ZNF804B: variants seen among roughly 807,000 people sequenced by gnomAD.
ZNF804B encodes the protein zinc finger 804B.
ZNF804B carries 80 observed loss-of-function variants against 101.4 expected under a neutral mutation model. The observed-to-expected ratio is 0.79, with a 90% confidence interval of 0.66 to 0.95. The LOEUF (loss-of-function observed/expected upper bound fraction) is 0.95, where lower values mean the gene tolerates loss of function less well. ZNF804B is among the 40% of genes least tolerant of loss of function. ZNF804B has a pLI of 0.00. For synonymous variants in ZNF804B, 622 were observed against 558.8 expected, an observed-to-expected ratio of 1.11 and a Z score of -1.59; for missense variants, 1,673 against 1,561.9, an observed-to-expected ratio of 1.07 and a Z score of -1.20.
At chr7:89,131,883 G>T (rs868257378) in intron 1 of ZNF804B, among the ~76,000 whole-genome samples, 1 of 151,942 alleles carries the variant, frequency 6.6e-6, no homozygotes, top group Admixed American at 6.6e-5. Context: ...CTGATAACAC[G>T]AATCTTAGGC....
chr7:89,181,040 A>G (rs1276365108), intron 1 of ZNF804B, among the ~76,000 whole-genome samples: 2 of 151,388 alleles, frequency 1.3e-5, no homozygotes, highest in African/African-American at 4.9e-5. Flanking sequence ...ACCCTACTCT[A>G]CTGTGGCTGA....
intron 1 of ZNF804B, among the ~76,000 whole-genome samples, chr7:89,026,136 T>G (rs1324598049): frequency 1.3e-5 from 2 of 152,146 alleles, no homozygotes; most frequent in African/African-American, 4.8e-5. Flanking sequence ...GCATTGGTAA[T>G]TTAATAGCAG....
At chr7:88,990,596 A>G (rs929325920) in intron 1 of ZNF804B, among the ~76,000 whole-genome samples, 1 of 152,056 alleles carries the variant, frequency 6.6e-6, no homozygotes, top group Non-Finnish European at 1.5e-5. Flanking sequence ...CCACTCTACC[A>G]TATTGTATCC....
chr7:89,304,483 T>C (rs982259477), intron 2 of ZNF804B, among the ~76,000 whole-genome samples: 2 of 151,810 alleles, frequency 1.3e-5, no homozygotes, highest in Non-Finnish European at 2.9e-5. Context: ...AAGGATTATA[T>C]CTATGGTAAA....
intron 2 of ZNF804B, among the ~76,000 whole-genome samples, chr7:89,324,607 CTTT>C (rs35905388): frequency 9.1e-6 from 1 of 109,554 alleles, no homozygotes; most frequent in Non-Finnish European, 1.9e-5. Context: ...TACCTTCTTA[CTTT>C]TTTTTTTTTT....
At chr7:88,796,773 A>G (rs950403842) in intron 1 of ZNF804B, among the ~76,000 whole-genome samples, 1 of 152,092 alleles carries the variant, frequency 6.6e-6, no homozygotes, top group Non-Finnish European at 1.5e-5. Context: ...GAGGGCAGGT[A>G]AGTGGTCCTT....
At chr7:88,905,911 TGG>T (rs1487285053) in intron 1 of ZNF804B, among the ~76,000 whole-genome samples, 1 of 141,562 alleles carries the variant, frequency 7.1e-6, no homozygotes, top group African/African-American at 2.7e-5. Flanking sequence ...TTTTTTTTTT[TGG>T]GGTTGATAGT....
In ZNF804B at chr7:89,334,085, G is replaced by A; in HGVS notation, c.1103G>A (p.Ser368Asn). The change falls in exon 4 of 4, where the codon AGC becomes AAC. Residue 368 changes from serine to asparagine, a missense_variant. Ser to Asn is a conservative substitution (Grantham distance 46). Coordinates refer to ENST00000333190, the MANE Select transcript of ZNF804B (RefSeq NM_181646.5). ...CCATGCCAAGCAAATGCTTCCTTCA[G>A]CCCACCAAACATTTACAACCATAGT... The part of the protein sequence containing the change: ...NHPCQANASF[S>N]PPNIYNHSDA... 2 of 1,613,606 alleles carry A rather than the reference G, an allele frequency of 1.2e-6. No homozygotes were observed. The highest frequency in any genetic ancestry group is 1.7e-6 in the Non-Finnish European group (2 of 1,179,790).
At chr7:89,133,757 G>T (rs962061365) in intron 1 of ZNF804B, among the ~76,000 whole-genome samples, 7 of 151,948 alleles carry the variant, frequency 4.6e-5, no homozygotes, top group African/African-American at 1.7e-4. Flanking sequence ...TAATATAAAA[G>T]GTTTCTACAA....
intron 1 of ZNF804B, chr7:88,794,659 G>A: frequency 6.2e-7 from 1 of 1,613,808 alleles, no homozygotes. Context: ...ATGCAGAATG[G>A]AAGTGGGATA....
intron 1 of ZNF804B, among the ~76,000 whole-genome samples, chr7:89,009,730 G>A (rs1788426160): frequency 6.6e-6 from 1 of 152,184 alleles, no homozygotes; most frequent in African/African-American, 2.4e-5. Context: ...ACCAGAAAGT[G>A]GGACCTCATC....
At position 89,109,937 on chromosome 7, in the gene ZNF804B, G is replaced by T. The variant is rs147077814; in HGVS notation, c.109-108218G>T. 1.5e-3 allele frequency among the ~76,000 whole-genome samples: 225 copies of T among 152,058 alleles called. 1 individual carries two copies. Among genetic ancestry groups the T allele is most frequent in the African/African-American group, 5.1e-3 (212 of 41,472 alleles). On this transcript the variant is annotated intron_variant, in intron 1 of 3. Coordinates refer to ENST00000333190, the MANE Select transcript of ZNF804B (RefSeq NM_181646.5). ...GTAAATGCATTATATAACTATTTGG[G>T]CCAAACTCTGTTTTAGGTCCCAGTA... is the stretch of plus-strand genomic sequence containing the variant.
chr7:89,005,302 T>C (rs1261868287), intron 1 of ZNF804B, among the ~76,000 whole-genome samples: 1 of 152,034 alleles, frequency 6.6e-6, no homozygotes, highest in Non-Finnish European at 1.5e-5. Context: ...TGGAGGCTTT[T>C]TAGGCTACAT....
At chr7:88,782,098 AGTGCGT>A (rs776788427) in intron 1 of ZNF804B, among the ~76,000 whole-genome samples, 38 of 132,100 alleles carry the variant, frequency 2.9e-4, no homozygotes, top group African/African-American at 1.1e-3. Context: ...CTTTTGTGTG[AGTGCGT>A]GTGTGTGTGT....
At chr7:88,827,312 A>G (rs921105134) in intron 1 of ZNF804B, among the ~76,000 whole-genome samples, 2 of 151,726 alleles carry the variant, frequency 1.3e-5, no homozygotes, top group Non-Finnish European at 2.9e-5. Context: ...ATTATAAAGA[A>G]AGAGTACTAT....
chr7:88,994,566 A>G (rs1223269943), intron 1 of ZNF804B, among the ~76,000 whole-genome samples: 2 of 152,102 alleles, frequency 1.3e-5, no homozygotes, highest in Non-Finnish European at 2.9e-5. Flanking sequence ...TTGCTTCAAC[A>G]AAGATAATAC....
chr7:88,836,637 C>A (rs1214967700), intron 1 of ZNF804B, among the ~76,000 whole-genome samples: 2 of 151,866 alleles, frequency 1.3e-5, no homozygotes, highest in African/African-American at 4.8e-5. Context: ...TATAAATGCA[C>A]AAATGAGTAA....
chr7:89,182,662 C>T (rs911016262), intron 1 of ZNF804B, among the ~76,000 whole-genome samples: 2 of 152,094 alleles, frequency 1.3e-5, no homozygotes, highest in Non-Finnish European at 2.9e-5. Flanking sequence ...ATTACTGTAA[C>T]AGTAGGTAGT....
At chr7:89,098,886 G>A (rs1054295089) in intron 1 of ZNF804B, among the ~76,000 whole-genome samples, 1 of 151,694 alleles carries the variant, frequency 6.6e-6, no homozygotes, top group African/African-American at 2.4e-5. Flanking sequence ...ACTAAATTTT[G>A]TATTTTTATA....
Sources: allele counts gnomAD v4.1 joint callset (sites outside exome capture counted in the v4.1 genomes callset), GRCh38; gene constraint gnomAD v4.1.1; transcripts MANE v1.5; gene names NCBI Gene and HGNC (gene_info 2026-07-23, HGNC 2026-07-21).